The following GNAS variants were observed in gnomAD, a reference collection of about 807,000 sequenced individuals.
GNAS encodes protein ALEX.
GNAS carries 8 observed loss-of-function variants against 54.5 expected under a neutral mutation model. The ratio of observed to expected loss-of-function variants is 0.15; its 90% CI spans 0.09 to 0.26. The LOEUF (loss-of-function observed/expected upper bound fraction) is 0.26. GNAS is among the 10% of genes least tolerant of loss of function. GNAS has a pLI of 1.00. For missense variants in GNAS, 170 were observed against 529.8 expected (o/e 0.32, Z 6.67); for synonymous variants, 204 against 191.4 (o/e 1.07, Z -0.54).
chr20:58,865,234 T>A (rs2086988285), intron 1 of GNAS, among the ~76,000 whole-genome samples: 1 of 151,804 alleles, frequency 6.6e-6, no homozygotes, highest in Non-Finnish European at 1.5e-5. Flanking sequence ...CCTGGCCACG[T>A]GGTGAAACCC....
At chr20:58,901,346 C>G (rs991662774) in intron 3 of GNAS, among the ~76,000 whole-genome samples, 5 of 152,178 alleles carry the variant, frequency 3.3e-5, no homozygotes, top group Admixed American at 3.3e-4. Context: ...TCTGCACATA[C>G]AAAGCAGACA....
At position 58,840,921 on chromosome 20, in the gene GNAS, G is replaced by A. The variant is rs1415011586; in HGVS notation, c.43+35G>A. The A allele has an allele frequency of 1.9e-6, 3 of 1,608,488 alleles. No homozygotes were observed. The highest frequency in any genetic ancestry group is 1.7e-5 in the Admixed American group (1 of 59,552). ...CCACCGCTAAACTGGGGAGCCTGAG[G>A]GCGGTGTGGGAGCAGCGCAGGTGGA... On this transcript the variant is annotated intron_variant, in intron 1 of 12. Coordinates refer to the GNAS transcript ENST00000306090. The surrounding 1 kb of genome is among the most constrained non-coding windows in gnomAD (Gnocchi z 6.0).
chr20:58,896,343 G>T (rs1314395861), intron 2 of GNAS, among the ~76,000 whole-genome samples: 3 of 152,036 alleles, frequency 2.0e-5, no homozygotes, highest in African/African-American at 4.8e-5. Flanking sequence ...TTATTTAAAG[G>T]ATGGAAAGAC....
chr20:58,839,858 TC>T (rs913132536), upstream of GNAS: 1 of 596,114 alleles, frequency 1.7e-6, no homozygotes, highest in Non-Finnish European at 3.0e-6. Flanking sequence ...GACAGAACTT[TC>T]CCCTTTTTTC....
intron 1 of GNAS, among the ~76,000 whole-genome samples, chr20:58,878,415 A>C (rs1261139803): frequency 6.6e-6 from 1 of 152,248 alleles, no homozygotes; most frequent in African/African-American, 2.4e-5. Flanking sequence ...GCAAGGACTT[A>C]GGGCTTTGCA....
At chr20:58,851,020 G>A (rs1241493731) in intron 1 of GNAS, 1 of 397,982 alleles carries the variant, frequency 2.5e-6, no homozygotes, top group Non-Finnish European at 4.4e-6. Context: ...TCGGAGGGGA[G>A]TGAGTTGGTG....
chr20:58,883,493 T>C (rs2088385868), intron 1 of GNAS, among the ~76,000 whole-genome samples: 1 of 152,178 alleles, frequency 6.6e-6, no homozygotes, highest in South Asian at 2.1e-4. Flanking sequence ...CTCCTTTTCA[T>C]CTGATCCCCA....
chr20:58,901,684 G>T (rs767346692), intron 3 of GNAS, among the ~76,000 whole-genome samples: 1 of 152,142 alleles, frequency 6.6e-6, no homozygotes, highest in African/African-American at 2.4e-5. Context: ...TAGGAAGGGG[G>T]CGAGATGGGA....
chr20:58,907,638 G>GT (rs999084856), intron 6 of GNAS, among the ~76,000 whole-genome samples: 2 of 152,084 alleles, frequency 1.3e-5, no homozygotes, highest in East Asian at 1.9e-4. Context: ...AGTTTTTGGG[G>GT]TTTTTTTAAG....
chr20:58,891,119 C>T (rs1307049949), upstream of GNAS, among the ~76,000 whole-genome samples: 1 of 148,902 alleles, frequency 6.7e-6, no homozygotes, highest in Non-Finnish European at 1.5e-5. Context: ...GGGCTGCTGC[C>T]CGAGCCCGGG....
intron 1 of GNAS, among the ~76,000 whole-genome samples, chr20:58,880,591 A>G (rs1375300949): frequency 6.6e-6 from 1 of 152,220 alleles, no homozygotes; most frequent in African/African-American, 2.4e-5. Context: ...TCACAGAATT[A>G]TCAGGTATTG....
chr20:58,853,659 G>A lies in GNAS; in HGVS notation c.43+12773G>A. The A allele has an allele frequency of 1.2e-6, 2 of 1,613,592 alleles. No homozygotes were observed. The highest frequency in any genetic ancestry group is 4.5e-5 in the East Asian group (2 of 44,882). ...CCCCAGTGGGGTCCATGCAGGCCTT[G>A]AGGCCTTCGGCCCAGCACTCATGGA... On this transcript the variant is annotated intron_variant, in intron 1 of 12. Coordinates refer to the GNAS transcript ENST00000306090. This position sits in a 1 kb window ranked among gnomAD's most constrained non-coding sequence, Gnocchi z 4.4.
At chr20:58,893,066 CTTTTTTTTT>C (rs869179421) in intron 1 of GNAS, among the ~76,000 whole-genome samples, 23 of 103,096 alleles carry the variant, frequency 2.2e-4, no homozygotes, top group African/African-American at 4.9e-4. Context: ...GGCGTGGTTT[CTTTTTTTTT>C]TTTTTTTTTT....
rs2145912379 is a variant in GNAS at position 58,891,681 on chromosome 20, C to T, written c.-46C>T. ...CGGCCCGCGTGAGGCCGCCCGCGCCCGCCGCCGCCGCAGCCCGGCCGCGCC... is the reference window on the plus strand; with the variant it reads ...CGGCCCGCGTGAGGCCGCCCGCGCCTGCCGCCGCCGCAGCCCGGCCGCGCC... On this transcript the variant is annotated 5_prime_UTR_variant, in exon 1 of 13. Transcript: ENST00000371085. 2.1e-6 allele frequency: 2 copies of T among 969,526 alleles called. No homozygotes were observed. Among genetic ancestry groups the T allele is most frequent in the East Asian group, 2.5e-4 (2 of 7,958 alleles). 60.1% of individuals were successfully genotyped at this position (969,526 alleles called of 1,614,324 possible). A position where few individuals can be genotyped will look rare whatever the true frequency, so the allele number is the denominator to read the frequency against.
At position 58,905,366 on chromosome 20, in the gene GNAS, C is replaced by G. The variant is rs754979068; in HGVS notation, c.433-17C>G. On this transcript the variant is annotated splice_polypyrimidine_tract_variant and intron_variant, in intron 5 of 12. Coordinates refer to ENST00000371085, the MANE Select transcript of GNAS (RefSeq NM_000516.7). ...AAGCTCTTGCCTTTCTCTAAACTTT[C>G]TTGTGTTCACTTTCAGGAATTCTAT... 1 of 1,436,848 alleles carries G rather than the reference C, an allele frequency of 7.0e-7. No homozygotes were observed. Among genetic ancestry groups the G allele is most frequent in the Non-Finnish European group, 9.8e-7 (1 of 1,018,022 alleles). 89.0% of individuals were successfully genotyped at this position (1,436,848 alleles called of 1,614,324 possible).
intron 1 of GNAS, among the ~76,000 whole-genome samples, chr20:58,847,007 G>C (rs1323452543): frequency 6.6e-6 from 1 of 152,118 alleles, no homozygotes; most frequent in African/African-American, 2.4e-5. Context: ...CTCCTCCCCT[G>C]AAATTCTTTG....
upstream of GNAS, chr20:58,889,281 C>T (rs1325440748): frequency 2.0e-6 from 2 of 1,002,956 alleles, no homozygotes; most frequent in Middle Eastern, 1.0e-3. Flanking sequence ...TGGAGCGAGC[C>T]CCTGTCCCGG....
At chr20:58,879,124 T>C (rs768189394) in intron 1 of GNAS, among the ~76,000 whole-genome samples, 1 of 152,198 alleles carries the variant, frequency 6.6e-6, no homozygotes. Context: ...GTGGTGGTGA[T>C]TGTAACGTCG....
At chr20:58,849,281 G>A (rs190940742) in intron 1 of GNAS, among the ~76,000 whole-genome samples, 2 of 152,252 alleles carry the variant, frequency 1.3e-5, no homozygotes, top group African/African-American at 4.8e-5. Context: ...GATGAGATGT[G>A]CTGAGTGGTT....
Sources: allele counts gnomAD v4.1 joint callset (sites outside exome capture counted in the v4.1 genomes callset), GRCh38; gene constraint gnomAD v4.1.1; non-coding constraint Gnocchi (gnomAD v3.1); transcripts MANE v1.5; gene names NCBI Gene and HGNC (gene_info 2026-07-23, HGNC 2026-07-21).